Variants in IPO11 observed in about 807,000 individuals in gnomAD.
The protein encoded by IPO11 is importin-11.
A neutral mutation model predicts 143.2 loss-of-function variants in IPO11; 66 were observed. The ratio of observed to expected loss-of-function variants is 0.46; its 90% CI spans 0.38 to 0.57. IPO11 has a LOEUF of 0.57. Ranked by LOEUF, IPO11 falls within the 20% of genes least tolerant of loss-of-function variation. IPO11 has a pLI of 0.00. For missense variants in IPO11, 1,026 were observed against 1,141.0 expected, an observed-to-expected ratio of 0.90 and a Z score of 1.45; for synonymous variants, 385 against 377.8, an observed-to-expected ratio of 1.02 and a Z score of -0.22.
intron 18 of IPO11, 43 bp downstream of exon 18, chr5:62,504,941 T>G: frequency 1.8e-6 from 2 of 1,136,358 alleles, no homozygotes; most frequent in South Asian, 3.0e-5. Flanking sequence ...AAAAACAATT[T>G]CTGCTTATGT....
At chr5:62,481,073 G>T (rs1487933117) in intron 9 of IPO11, among the ~76,000 whole-genome samples, 2 of 151,674 alleles carry the variant, frequency 1.3e-5, no homozygotes, top group African/African-American at 4.8e-5. Context: ...CCGCCACCAT[G>T]CCCGGCTAAT....
At chr5:62,502,246 T>G (rs1741370108) in intron 16 of IPO11, among the ~76,000 whole-genome samples, 1 of 152,152 alleles carries the variant, frequency 6.6e-6, no homozygotes, top group African/African-American at 2.4e-5. Flanking sequence ...TTTTCTGAGG[T>G]TTCAGCTGGG....
intron 2 of IPO11, 76 bp downstream of exon 2, chr5:62,437,493 T>C: frequency 3.9e-6 from 5 of 1,286,238 alleles, no homozygotes; most frequent in Admixed American, 2.4e-5. Context: ...AACCCTAGTT[T>C]TATTGGTAGT....
At chr5:62,536,080 G>A (rs538817200) in intron 22 of IPO11, among the ~76,000 whole-genome samples, 26 of 152,274 alleles carry the variant, frequency 1.7e-4, no homozygotes, top group African/African-American at 6.3e-4. Flanking sequence ...CTGAAAGATT[G>A]AAAATATCTA....
rs546434011 is a variant in IPO11, at chr5:62,563,162, C to T, written c.2582+1905C>T. Among the ~76,000 whole-genome samples, 12 of 152,250 alleles carry T rather than the reference C, an allele frequency of 7.9e-5. No homozygotes were observed. The East Asian group carries it at 2.3e-3, about 29-fold the overall frequency. ...TTTTTGAAAGCCAAATTTAAGTTAC[C>T]TACATTTTAACTCATTGGTGTTTCT... On this transcript the variant is annotated intron_variant, in intron 27 of 29. Transcript: ENST00000325324.
At chr5:62,517,826 T>G (rs1247717708) in intron 20 of IPO11, among the ~76,000 whole-genome samples, 2 of 152,202 alleles carry the variant, frequency 1.3e-5, no homozygotes, top group Non-Finnish European at 2.9e-5. Context: ...GTAACTCTTG[T>G]GGAATGTTAG....
chr5:62,445,615 T>C (rs1446456623), intron 3 of IPO11, among the ~76,000 whole-genome samples: 1 of 152,164 alleles, frequency 6.6e-6, no homozygotes, highest in African/African-American at 2.4e-5. Context: ...TCATTTTCAG[T>C]ACAGTGTTCA....
intron 27 of IPO11, chr5:62,580,778 C>T: frequency 6.4e-7 from 1 of 1,551,426 alleles, no homozygotes; most frequent in Non-Finnish European, 8.7e-7. Context: ...CTGGAAAATA[C>T]TGAGACTGAG....
At chr5:62,557,134 A>G (rs1260582349) in intron 26 of IPO11, among the ~76,000 whole-genome samples, 1 of 151,974 alleles carries the variant, frequency 6.6e-6, no homozygotes, top group Non-Finnish European at 1.5e-5. Context: ...TGTTATCTAA[A>G]CATTATTGTC....
Position 62,491,862 on chromosome 5 carries a change from A to G in IPO11, c.1463+1642A>G, listed in dbSNP as rs1444750202. On this transcript the variant is annotated intron_variant, in intron 15 of 29. Transcript: ENST00000325324. ...TTTGTATTTTTTTTTAGTAGAGACG[A>G]GGTTTCACTGTGTTAGCCAGGATGA... Among the ~76,000 whole-genome samples the G allele has an allele frequency of 4.0e-5, 6 of 151,720 alleles. No homozygotes were observed. In the South Asian group the frequency reaches 1.0e-3, roughly 26 times the overall value.
At chr5:62,570,252 A>C (rs528980776) in intron 27 of IPO11, among the ~76,000 whole-genome samples, 1 of 152,266 alleles carries the variant, frequency 6.6e-6, no homozygotes, top group East Asian at 1.9e-4. Context: ...AATCATTTAT[A>C]AAACTTTTTT....
intron 5 of IPO11, among the ~76,000 whole-genome samples, chr5:62,456,357 A>G (rs1445489178): frequency 6.6e-6 from 1 of 152,148 alleles, no homozygotes; most frequent in Non-Finnish European, 1.5e-5. Flanking sequence ...TAAATATAAT[A>G]AAATGGACAT....
At chr5:62,571,084 A>G (rs1456919988) in intron 27 of IPO11, among the ~76,000 whole-genome samples, 1 of 152,234 alleles carries the variant, frequency 6.6e-6, no homozygotes, top group Non-Finnish European at 1.5e-5. Context: ...TGTGCTTTCT[A>G]GTTTTACCCA....
In IPO11 at chr5:62,583,207, A is replaced by C. The variant is rs559146491; in HGVS notation, c.2583-8370A>C. 2.6e-4 allele frequency among the ~76,000 whole-genome samples: 40 copies of C among 152,266 alleles called. No individual in the cohort carries two copies. In the South Asian group the frequency reaches 7.7e-3, roughly 29 times the overall value. The stretch of plus-strand genomic sequence containing the variant: ...CCTCCCAACTCCTACAAATCCAATT[A>C]TGTTTTTTCTTTAATTACTAAAAGT... On this transcript the variant is annotated intron_variant, in intron 27 of 29. Coordinates refer to ENST00000325324, the MANE Select transcript of IPO11 (RefSeq NM_016338.5).
chr5:62,428,685 G>T (rs1229840194), intron 1 of IPO11, among the ~76,000 whole-genome samples: 1 of 151,610 alleles, frequency 6.6e-6, no homozygotes, highest in Non-Finnish European at 1.5e-5. Context: ...TTTTTTTAGA[G>T]ACAGGGTCTC....
At chr5:62,490,735 T>G (rs1746578992) in intron 15 of IPO11, among the ~76,000 whole-genome samples, 1 of 152,198 alleles carries the variant, frequency 6.6e-6, no homozygotes, top group Admixed American at 6.5e-5. Flanking sequence ...TGAATTAATT[T>G]AGTACATTTA....
intron 5 of IPO11, 36 bp downstream of exon 5, chr5:62,451,969 A>G (rs774067646): frequency 4.5e-6 from 7 of 1,566,802 alleles, no homozygotes; most frequent in South Asian, 2.2e-5. Context: ...TGATTATGAA[A>G]ATTGTGCGGC....
At position 62,467,784 on chromosome 5, in the gene IPO11, A is replaced by G. The variant is rs528785549; in HGVS notation, c.649+521A>G. On this transcript the variant is annotated intron_variant, in intron 6 of 29. Transcript: ENST00000325324. ...TGTTGCTTGCAGGCATTCCCTTAGC[A>G]TAAATCTCCATCTCACTTTCCTTGA... Among the ~76,000 whole-genome samples, 8 of 152,312 alleles carry G rather than the reference A, an allele frequency of 5.3e-5. No individual in the cohort carries two copies. In the South Asian group the frequency reaches 1.7e-3, roughly 32 times the overall value.
intron 19 of IPO11, among the ~76,000 whole-genome samples, chr5:62,508,188 G>T (rs951761590): frequency 6.6e-6 from 1 of 151,952 alleles, no homozygotes; most frequent in Non-Finnish European, 1.5e-5. Flanking sequence ...GTGCAGTGGC[G>T]CATCTCAGCT....
Sources: allele counts gnomAD v4.1 joint callset (sites outside exome capture counted in the v4.1 genomes callset), GRCh38; gene constraint gnomAD v4.1.1; transcripts MANE v1.5; gene names NCBI Gene and HGNC (gene_info 2026-07-23, HGNC 2026-07-21).